Variants in KLHL29 observed in about 807,000 individuals in gnomAD.
The protein encoded by KLHL29 is kelch-like protein 29.
KLHL29 carries 21 observed loss-of-function variants against 80.4 expected under a neutral mutation model. The ratio of observed to expected loss-of-function variants is 0.26; its 90% CI spans 0.19 to 0.38. The LOEUF (loss-of-function observed/expected upper bound fraction) is 0.38. Among genes scored for constraint, KLHL29 ranks in the 10% least tolerant of loss-of-function variants. KLHL29 has a pLI of 1.00. For synonymous variants in KLHL29, 511 were observed against 526.8 expected, an observed-to-expected ratio of 0.97 and a Z score of 0.41; for missense variants, 867 against 1,223.9, an observed-to-expected ratio of 0.71 and a Z score of 4.35.
At chr2:23,643,761 A>T (rs1307753609) in intron 5 of KLHL29, 1 of 152,232 alleles carries the variant, frequency 6.6e-6, no homozygotes, top group Non-Finnish European at 1.5e-5. Flanking sequence ...TGCAGTGGGG[A>T]AGGCTGCTGG....
In KLHL29 at chr2:23,562,170, T is replaced by C; in HGVS notation, c.-27T>C. The C allele has an allele frequency of 6.5e-7, 1 of 1,549,344 alleles. No homozygotes were observed. The highest frequency in any genetic ancestry group is 2.4e-5 in the East Asian group (1 of 40,900). The stretch of plus-strand genomic sequence containing the variant: ...ACCACAGGTCCGGGCTCTGTTTCCC[T>C]GTGAGAAGCCGCCTCGGCCCACCGA... On this transcript the variant is annotated 5_prime_UTR_variant, in exon 3 of 14. Coordinates refer to ENST00000486442, the MANE Select transcript of KLHL29 (RefSeq NM_052920.2). The surrounding 1 kb of genome is among the most constrained non-coding windows in gnomAD (Gnocchi z 4.5).
At chr2:23,592,866 C>T (rs1043306826) in intron 3 of KLHL29, among the ~76,000 whole-genome samples, 16 of 152,166 alleles carry the variant, frequency 1.1e-4, no homozygotes, top group African/African-American at 2.2e-4. Flanking sequence ...CCTGCAGGCA[C>T]GTTGGTCCAG....
chr2:23,597,292 C>A (rs866786717), intron 3 of KLHL29, among the ~76,000 whole-genome samples: 3,484 of 39,146 alleles, frequency 0.089, 147 homozygotes, highest in African/African-American at 0.26. Context: ...ATCTCTCTCT[C>A]TCTCATATAT....
intron 5 of KLHL29, among the ~76,000 whole-genome samples, chr2:23,664,562 G>A (rs1251401333): frequency 1.3e-5 from 2 of 152,242 alleles, no homozygotes; most frequent in East Asian, 1.9e-4. Context: ...CCCAGGGCCA[G>A]GAGGCGGGGA....
intron 3 of KLHL29, among the ~76,000 whole-genome samples, chr2:23,637,212 G>A (rs376501475): frequency 6.6e-6 from 1 of 152,328 alleles, no homozygotes; most frequent in African/African-American, 2.4e-5. Context: ...TGATTCCGAG[G>A]AAAGCAATTT....
At chr2:23,391,492 G>A (rs1666321697) in intron 1 of KLHL29, among the ~76,000 whole-genome samples, 1 of 152,122 alleles carries the variant, frequency 6.6e-6, no homozygotes, top group South Asian at 2.1e-4. Flanking sequence ...CAATGGTGCA[G>A]TCTTGGCTCA....
intron 1 of KLHL29, among the ~76,000 whole-genome samples, chr2:23,414,617 G>T (rs1362044720): frequency 2.0e-5 from 3 of 152,148 alleles, no homozygotes; most frequent in Admixed American, 1.3e-4. Flanking sequence ...TCCCCCAAAG[G>T]TATGGGGACC....
At chr2:23,404,804 G>C (rs1184561402) in intron 1 of KLHL29, among the ~76,000 whole-genome samples, 1 of 152,150 alleles carries the variant, frequency 6.6e-6, no homozygotes, top group Non-Finnish European at 1.5e-5. Context: ...AGAATGACTG[G>C]GGACCAAAGG....
chr2:23,413,189 G>A (rs902580542), intron 1 of KLHL29, among the ~76,000 whole-genome samples: 17 of 152,166 alleles, frequency 1.1e-4, no homozygotes, highest in African/African-American at 3.9e-4. Context: ...TCTACTAAAA[G>A]GATCAAGGCA....
intron 1 of KLHL29, among the ~76,000 whole-genome samples, chr2:23,434,419 T>TTCCCATTC (rs1553322868): frequency 1.3e-5 from 2 of 151,842 alleles, no homozygotes; most frequent in Middle Eastern, 3.4e-3. Flanking sequence ...TGGTTCCCAT[T>TTCCCATTC]CCCTGGTGGG....
At chr2:23,624,298 G>A (rs531267294) in intron 3 of KLHL29, among the ~76,000 whole-genome samples, 6 of 152,234 alleles carry the variant, frequency 3.9e-5, no homozygotes, top group African/African-American at 1.4e-4. Context: ...TCAGGGTCCT[G>A]GAAGGACCAG....
At chr2:23,411,483 G>A (rs955685436) in intron 1 of KLHL29, among the ~76,000 whole-genome samples, 16 of 150,510 alleles carry the variant, frequency 1.1e-4, no homozygotes, top group African/African-American at 3.9e-4. Flanking sequence ...GAGGGAGATG[G>A]GTTATGACCT....
intron 3 of KLHL29, among the ~76,000 whole-genome samples, chr2:23,582,062 AGG>A (rs891941103): frequency 2.0e-5 from 3 of 152,122 alleles, no homozygotes; most frequent in African/African-American, 7.2e-5. Context: ...GCCAGGGTCT[AGG>A]AGCAAAGGCA....
intron 5 of KLHL29, among the ~76,000 whole-genome samples, chr2:23,650,798 G>A (rs925512008): frequency 6.6e-6 from 1 of 152,208 alleles, no homozygotes; most frequent in Non-Finnish European, 1.5e-5. Flanking sequence ...TCTGCTGTTT[G>A]TGCCAGGAAA....
At chr2:23,639,426 A>G in intron 4 of KLHL29, 146 bp downstream of exon 4, 1 of 734,710 alleles carries the variant, frequency 1.4e-6, no homozygotes. Flanking sequence ...GGGCAAAGGC[A>G]CTGTGTGTAA....
chr2:23,541,144 T>G lies in KLHL29; in HGVS notation c.-45-21008T>G, dbSNP rs78513991. On this transcript the variant is annotated intron_variant, in intron 2 of 13. Transcript: ENST00000486442. ...CACAACTGAATTCTGTTGGGAACCT[T>G]TCTCACTTTCTTCGCTTGACAGGAA... 3.4e-3 allele frequency among the ~76,000 whole-genome samples: 522 copies of G among 152,356 alleles called. 3 individuals are homozygous for G. The highest frequency in any genetic ancestry group is 5.8e-3 in the Non-Finnish European group (393 of 68,040).
intron 2 of KLHL29, among the ~76,000 whole-genome samples, chr2:23,561,380 T>C (rs1387097921): frequency 6.6e-6 from 1 of 152,190 alleles, no homozygotes; most frequent in African/African-American, 2.4e-5. Context: ...AAGGGCCTTA[T>C]GCTCAGAGGC....
chr2:23,622,796 G>A (rs923861864), intron 3 of KLHL29, among the ~76,000 whole-genome samples: 1 of 152,216 alleles, frequency 6.6e-6, no homozygotes, highest in African/African-American at 2.4e-5. Context: ...CGTGTTCCAG[G>A]CATGGTTCTA....
intron 1 of KLHL29, among the ~76,000 whole-genome samples, chr2:23,412,940 G>T (rs528212901): frequency 1.4e-4 from 22 of 152,244 alleles, no homozygotes; most frequent in African/African-American, 4.8e-4. Context: ...ACCACTGCTT[G>T]TCACTTTGCC....
Sources: gnomAD v4.1 joint callset for allele counts (sites outside exome capture counted in the v4.1 genomes callset) on GRCh38, gnomAD v4.1.1 for gene constraint, Gnocchi (gnomAD v3.1) non-coding constraint, MANE v1.5 for transcripts, NCBI Gene and HGNC (gene_info 2026-07-23, HGNC 2026-07-21) for gene names.